SIPA1L2: variants seen among roughly 807,000 people sequenced by gnomAD.
SIPA1L2 encodes signal induced proliferation associated 1 like 2.
A neutral mutation model predicts 163.9 loss-of-function variants in SIPA1L2; 56 were observed. The ratio of observed to expected loss-of-function variants is 0.34; its 90% CI spans 0.28 to 0.43. The LOEUF (loss-of-function observed/expected upper bound fraction) is 0.43, where lower values mean the gene tolerates loss of function less well. Among genes scored for constraint, SIPA1L2 ranks in the 20% least tolerant of loss-of-function variants. The pLI is 1.00. For synonymous variants in SIPA1L2, 877 were observed against 865.7 expected (o/e 1.01, Z -0.23); for missense variants, 1,974 against 2,193.5 (o/e 0.90, Z 2.00).
At chr1:232,459,949 GAGTA>G (rs1166992438) in intron 10 of SIPA1L2, among the ~76,000 whole-genome samples, 2 of 152,168 alleles carry the variant, frequency 1.3e-5, no homozygotes, top group East Asian at 1.9e-4. Context: ...ATCTTACAGA[GAGTA>G]AGTGAGACTT....
At chr1:232,467,092 G>T (rs951615237) in intron 8 of SIPA1L2, among the ~76,000 whole-genome samples, 1 of 152,184 alleles carries the variant, frequency 6.6e-6, no homozygotes, top group African/African-American at 2.4e-5. Flanking sequence ...AAATGTGGTT[G>T]GTTAGACTTT....
At chr1:232,591,687 C>T (rs889185618) in intron 1 of SIPA1L2, among the ~76,000 whole-genome samples, 5 of 152,164 alleles carry the variant, frequency 3.3e-5, no homozygotes, top group Non-Finnish European at 7.3e-5. Flanking sequence ...CATGTTAGGG[C>T]AGAGTCTAAG....
chr1:232,441,488 A>T, intron 13 of SIPA1L2, 94 bp from the exon 14 acceptor site: 1 of 1,043,968 alleles, frequency 9.6e-7, no homozygotes, highest in Non-Finnish European at 1.4e-6. Context: ...TTTGGTAAAC[A>T]TGAACAGGCT....
chr1:232,461,336 T>G (rs1475389945), intron 9 of SIPA1L2, among the ~76,000 whole-genome samples, 175 bp from the exon 10 acceptor site: 1 of 152,222 alleles, frequency 6.6e-6, no homozygotes, highest in Non-Finnish European at 1.5e-5. Context: ...AGGACACATT[T>G]AAGTTCAGAG....
chr1:232,510,055 C>A (rs983370521), intron 3 of SIPA1L2, among the ~76,000 whole-genome samples: 1 of 152,092 alleles, frequency 6.6e-6, no homozygotes, highest in Non-Finnish European at 1.5e-5. Context: ...AGTCATGTAC[C>A]GCATAGGGAT....
Position 232,445,738 on chromosome 1 carries a change from G to C in SIPA1L2, c.3144C>G (p.Asp1048Glu). The C allele has an allele frequency of 6.2e-7, 1 of 1,613,696 alleles. No individual in the cohort carries two copies. The highest frequency in any genetic ancestry group is 1.1e-5 in the South Asian group (1 of 91,022). Residue 1048 changes from aspartate to glutamate, a missense_variant, in exon 11 of 23, where the codon GAC becomes GAG. Physicochemically the swap from Asp to Glu is conservative, Grantham distance 45. Transcript: ENST00000674635. Reference protein sequence around the residue: ...CRIPMVEYKLDSEGTPCEYKT... With the variant: ...CRIPMVEYKLESEGTPCEYKT... Reference sequence around the variant, plus strand: ...TATACTCGCAGGGGGTGCCCTCGCTGTCGAGTTTATATTCCACCATAGGGA... The same window carrying C: ...TATACTCGCAGGGGGTGCCCTCGCTCTCGAGTTTATATTCCACCATAGGGA...
intron 2 of SIPA1L2, among the ~76,000 whole-genome samples, chr1:232,539,205 G>A (rs562136827): frequency 6.6e-6 from 1 of 152,308 alleles, no homozygotes; most frequent in African/African-American, 2.4e-5. Context: ...CTAACCTGAT[G>A]CCAGTTGAAA....
At chr1:232,454,066 T>TA (rs1201141632) in intron 10 of SIPA1L2, among the ~76,000 whole-genome samples, 1 of 152,068 alleles carries the variant, frequency 6.6e-6, no homozygotes, top group East Asian at 1.9e-4. Context: ...TTCTGGTACA[T>TA]AAAAAAATCA....
intron 5 of SIPA1L2, among the ~76,000 whole-genome samples, chr1:232,488,877 C>T (rs1665781720): frequency 6.6e-6 from 1 of 152,130 alleles, no homozygotes; most frequent in African/African-American, 2.4e-5. Context: ...CAGATCAGAG[C>T]TATATTTTAG....
intron 1 of SIPA1L2, among the ~76,000 whole-genome samples, chr1:232,602,196 G>A (rs147925246): frequency 3.6e-4 from 55 of 152,292 alleles, no homozygotes; most frequent in African/African-American, 1.2e-3. Flanking sequence ...AGCCAACCTG[G>A]ATGAGAGGTG....
chr1:232,462,411 A>G, intron 9 of SIPA1L2: 1 of 1,448,264 alleles, frequency 6.9e-7, no homozygotes, highest in Non-Finnish European at 9.1e-7. Flanking sequence ...GACCTATGAC[A>G]GTAAGTACAG....
chr1:232,587,732 T>C (rs1298260117), intron 1 of SIPA1L2, among the ~76,000 whole-genome samples: 3 of 152,216 alleles, frequency 2.0e-5, no homozygotes, highest in African/African-American at 7.2e-5. Context: ...CCAAATCTCA[T>C]CTCGAACTGT....
At chr1:232,489,272 C>T (rs1665807195) in intron 5 of SIPA1L2, among the ~76,000 whole-genome samples, 1 of 152,218 alleles carries the variant, frequency 6.6e-6, no homozygotes, top group Non-Finnish European at 1.5e-5. Context: ...CTATTCTTCT[C>T]ATCAAGCCTG....
intron 2 of SIPA1L2, among the ~76,000 whole-genome samples, chr1:232,532,748 A>ACG (rs1657042821): frequency 6.6e-6 from 1 of 152,228 alleles, no homozygotes; most frequent in African/African-American, 2.4e-5. Flanking sequence ...TAGCTGCTAT[A>ACG]TGACCCAATC....
At chr1:232,464,804 A>G (rs747477550) in intron 9 of SIPA1L2, 36 bp downstream of exon 9, 11 of 1,512,084 alleles carry the variant, frequency 7.3e-6, no homozygotes, top group African/African-American at 1.4e-5. Flanking sequence ...AATTGAAAAC[A>G]TAAGGATGGC....
In SIPA1L2 at chr1:232,399,142, G is replaced by C; in HGVS notation, c.5154C>G (p.Ile1718Met). The C allele has an allele frequency of 1.2e-6, 2 of 1,614,050 alleles. No individual in the cohort carries two copies. The highest frequency in any genetic ancestry group is 1.7e-6 in the Non-Finnish European group (2 of 1,180,016). ...RKFTEWFFTT[I>M]DKKS ...TGCGGATTGGCTAAGATTTTTTGTC[G>C]ATGGTGGTGAAAAACCATTCTGTGA... Residue 1718 changes from isoleucine to methionine, a missense_variant, in exon 23 of 23, where the codon ATC (isoleucine) becomes ATG (methionine). Coordinates refer to ENST00000674635, the MANE Select transcript of SIPA1L2 (RefSeq NM_020808.5).
chr1:232,502,778 A>G lies in SIPA1L2; in HGVS notation c.1484-9118T>C, dbSNP rs181533067. On this transcript the variant is annotated intron_variant, in intron 3 of 22. Transcript: ENST00000674635. Reference sequence around the variant, plus strand: ...AATGCTTTTGGTTTCACCAAAGAATACAGTAGGTTACCTGGATGTGTTTCC... The same window carrying G: ...AATGCTTTTGGTTTCACCAAAGAATGCAGTAGGTTACCTGGATGTGTTTCC... Among the ~76,000 whole-genome samples, 223 of 152,368 alleles carry G rather than the reference A, an allele frequency of 1.5e-3. 2 individuals are homozygous for G. Among genetic ancestry groups the G allele is most frequent in the African/African-American group, 5.0e-3 (209 of 41,588 alleles).
At chr1:232,457,314 T>G (rs766772071) in intron 10 of SIPA1L2, among the ~76,000 whole-genome samples, 68 of 152,318 alleles carry the variant, frequency 4.5e-4, no homozygotes, top group Admixed American at 7.8e-4. Context: ...CAAATGATTT[T>G]CTAAAACGGG....
chr1:232,489,747 T>G (rs1283744834), intron 5 of SIPA1L2, among the ~76,000 whole-genome samples: 1 of 152,214 alleles, frequency 6.6e-6, no homozygotes, highest in Non-Finnish European at 1.5e-5. Flanking sequence ...CTTGGGAAAT[T>G]CTAAAAATAT....
Sources: allele counts gnomAD v4.1 joint callset (sites outside exome capture counted in the v4.1 genomes callset), GRCh38; gene constraint gnomAD v4.1.1; transcripts MANE v1.5; gene names NCBI Gene and HGNC (gene_info 2026-07-23, HGNC 2026-07-21).